The following IPO11 variants were observed in gnomAD, a reference collection of about 807,000 sequenced individuals.
IPO11 encodes importin-11.
IPO11 carries 66 observed loss-of-function variants against 143.2 expected under a neutral mutation model. The ratio of observed to expected loss-of-function variants is 0.46; its 90% CI spans 0.38 to 0.57. IPO11 has a LOEUF of 0.57. IPO11 is among the 20% of genes least tolerant of loss of function. The pLI is 0.00. For missense variants in IPO11, 1,026 were observed against 1,141.0 expected, an observed-to-expected ratio of 0.90 and a Z score of 1.45; for synonymous variants, 385 against 377.8, an observed-to-expected ratio of 1.02 and a Z score of -0.22.
intron 28 of IPO11, among the ~76,000 whole-genome samples, chr5:62,595,089 C>G (rs1272469514): frequency 6.6e-6 from 1 of 152,206 alleles, no homozygotes; most frequent in Non-Finnish European, 1.5e-5. Flanking sequence ...ACCTGGAATG[C>G]ATGTTAGAAA....
chr5:62,598,383 G>GCTTTCTTTCTTTCTTT lies in IPO11; in HGVS notation c.2679-3378_2679-3377insTCTTTCTTTCTTTCTT, dbSNP rs1491250089. Among the ~76,000 whole-genome samples the GCTTTCTTTCTTTCTTT allele has an allele frequency of 7.7e-4, 21 of 27,342 alleles. 5 individuals are homozygous for GCTTTCTTTCTTTCTTT. The highest frequency in any genetic ancestry group is 9.5e-4 in the Non-Finnish European group (15 of 15,788). The allele number at this position is 27,342 out of a possible 152,430, so 17.9% of individuals were successfully genotyped here. ...GAAACGACCCATAAATTGTTTGCTT[G>GCTTTCTTTCTTTCTTT]CTTGCTTGCTTTCTTTCTTTCTTTC... On this transcript the variant is annotated intron_variant, in intron 28 of 29. Coordinates refer to ENST00000325324, the MANE Select transcript of IPO11 (RefSeq NM_016338.5).
chr5:62,425,340 G>A (rs747554796), intron 1 of IPO11, among the ~76,000 whole-genome samples: 20 of 152,168 alleles, frequency 1.3e-4, no homozygotes, highest in Admixed American at 7.9e-4. Context: ...TTTTCAAGAC[G>A]GAGTTTTGCT....
intron 1 of IPO11, chr5:62,413,548 TTTA>T (rs769158025): frequency 6.6e-6 from 1 of 152,220 alleles, no homozygotes; most frequent in African/African-American, 2.4e-5. Flanking sequence ...TCATTTTTTC[TTTA>T]TTATTTTGTG....
chr5:62,532,012 C>G (rs2112315288), intron 22 of IPO11, among the ~76,000 whole-genome samples: 1 of 152,284 alleles, frequency 6.6e-6, no homozygotes, highest in Admixed American at 6.5e-5. Flanking sequence ...TACCATGCTA[C>G]TTTAGGCAGT....
chr5:62,482,840 TTAAG>T (rs1225891028), intron 9 of IPO11, among the ~76,000 whole-genome samples: 1 of 152,162 alleles, frequency 6.6e-6, no homozygotes, highest in African/African-American at 2.4e-5. Flanking sequence ...TGTTATAAAA[TTAAG>T]TATGAATTGA....
intron 22 of IPO11, among the ~76,000 whole-genome samples, chr5:62,535,624 CTG>C (rs968308109): frequency 6.6e-5 from 10 of 151,988 alleles, no homozygotes; most frequent in African/African-American, 2.4e-4. Context: ...TTTTTTAAAA[CTG>C]TCAAATCCTA....
chr5:62,582,374 A>T (rs1744601222), intron 27 of IPO11, among the ~76,000 whole-genome samples: 1 of 152,152 alleles, frequency 6.6e-6, no homozygotes, highest in African/African-American at 2.4e-5. Flanking sequence ...GAAGTCAAAG[A>T]TGTTAGGTTT....
intron 27 of IPO11, among the ~76,000 whole-genome samples, chr5:62,586,034 G>A (rs1442731668): frequency 2.6e-5 from 4 of 152,116 alleles, no homozygotes; most frequent in African/African-American, 9.7e-5. Context: ...CATAAGTTTG[G>A]TGTTGGATCT....
In IPO11 at chr5:62,428,097, C is replaced by T. The variant is rs1743826761; in HGVS notation, c.-6-9177C>T. On this transcript the variant is annotated intron_variant, in intron 1 of 29. Transcript: ENST00000325324. ...TAGTACACACTAGTATCTTTGGAAC[C>T]TTCTTGTCTTATGCCAGAAGTCTTA... Among the ~76,000 whole-genome samples, 3 of 152,322 alleles carry T rather than the reference C, an allele frequency of 2.0e-5. No homozygotes were observed. In the South Asian group the frequency reaches 6.2e-4, roughly 32 times the overall value.
At chr5:62,454,793 G>T (rs1241222659) in intron 5 of IPO11, among the ~76,000 whole-genome samples, 1 of 152,190 alleles carries the variant, frequency 6.6e-6, no homozygotes. Flanking sequence ...GTCTGAAAGA[G>T]TACACATAAT....
chr5:62,514,869 T>C (rs1473240544), intron 19 of IPO11, among the ~76,000 whole-genome samples: 5 of 152,212 alleles, frequency 3.3e-5, no homozygotes, highest in African/African-American at 7.2e-5. Flanking sequence ...ATGTTTTTTT[T>C]CTCTTGTGTT....
intron 27 of IPO11, among the ~76,000 whole-genome samples, chr5:62,584,594 CAG>C (rs1181487405): frequency 9.7e-6 from 1 of 103,528 alleles, no homozygotes; most frequent in Non-Finnish European, 1.7e-5. Flanking sequence ...GCCTGGATGA[CAG>C]AGCAAAACTG....
chr5:62,597,168 T>G (rs1021334469), intron 28 of IPO11, among the ~76,000 whole-genome samples: 1 of 152,086 alleles, frequency 6.6e-6, no homozygotes, highest in African/African-American at 2.4e-5. Flanking sequence ...TAACATAGGA[T>G]TGAAGGGATT....
chr5:62,606,371 T>C (rs1276883853), intron 29 of IPO11, among the ~76,000 whole-genome samples: 3 of 149,828 alleles, frequency 2.0e-5, no homozygotes, highest in African/African-American at 7.4e-5. Context: ...TCCCAGCTAC[T>C]TGGGAGGCTG....
intron 19 of IPO11, among the ~76,000 whole-genome samples, chr5:62,507,895 A>G (rs1434778103): frequency 6.6e-6 from 1 of 152,246 alleles, no homozygotes; most frequent in African/African-American, 2.4e-5. Context: ...TGCCTATATC[A>G]TCAGAAAGTA....
chr5:62,526,273 T>G lies in IPO11; in HGVS notation c.2012+16T>G. ...TAGAATTATGGTAAGAGGAAAAACT[T>G]AATACCATGGATCTTATTTTATTCG... On this transcript the variant is annotated intron_variant, in intron 21 of 29. Transcript: ENST00000325324. 1 of 1,508,746 alleles carries G rather than the reference T, an allele frequency of 6.6e-7. No homozygotes were observed. Among genetic ancestry groups the G allele is most frequent in the South Asian group, 1.1e-5 (1 of 88,840 alleles). The allele number at this position is 1,508,746 out of a possible 1,614,324, so 93.5% of individuals were successfully genotyped here.
chr5:62,606,499 A>AAG (rs1421423475), intron 29 of IPO11, among the ~76,000 whole-genome samples: 2 of 149,978 alleles, frequency 1.3e-5, no homozygotes, highest in Non-Finnish European at 3.0e-5. Context: ...AAAAAAAAAA[A>AAG]AAAAAAAGGA....
intron 1 of IPO11, among the ~76,000 whole-genome samples, chr5:62,431,837 A>T (rs1458419657): frequency 6.6e-6 from 1 of 152,048 alleles, no homozygotes; most frequent in Non-Finnish European, 1.5e-5. Context: ...GCTACTTAGG[A>T]GGCTGAGGCA....
chr5:62,459,097 T>G (rs2112176556), intron 5 of IPO11, among the ~76,000 whole-genome samples: 1 of 150,538 alleles, frequency 6.6e-6, no homozygotes, highest in East Asian at 1.9e-4. Flanking sequence ...GTTTTACTCT[T>G]TTTTTTTTGT....
Sources: gnomAD v4.1 joint callset for allele counts (sites outside exome capture counted in the v4.1 genomes callset) on GRCh38, gnomAD v4.1.1 for gene constraint, MANE v1.5 for transcripts, NCBI Gene and HGNC (gene_info 2026-07-23, HGNC 2026-07-21) for gene names.